The following FTO variants were observed in gnomAD, a reference collection of about 807,000 sequenced individuals.
The protein encoded by FTO is alpha-ketoglutarate-dependent dioxygenase FTO.
A neutral mutation model predicts 63.9 loss-of-function variants in FTO; 47 were observed. The observed-to-expected ratio is 0.74, with a 90% CI of 0.58 to 0.94. FTO has a LOEUF of 0.94. Ranked by LOEUF, FTO falls within the 40% of genes least tolerant of loss-of-function variation. The pLI is 0.00. For missense variants in FTO, 562 were observed against 618.1 expected (o/e 0.91, Z 0.96); for synonymous variants, 207 against 224.4 (o/e 0.92, Z 0.69).
intron 8 of FTO, among the ~76,000 whole-genome samples, chr16:54,095,067 CTTTTTTCT>C (rs1188484150): frequency 2.1e-4 from 32 of 152,118 alleles, no homozygotes; most frequent in Admixed American, 6.5e-5. Context: ...ATGCCTAACT[CTTTTTTCT>C]TTCTTTTTTG....
At chr16:53,734,738 T>G (rs1274886799) in intron 1 of FTO, among the ~76,000 whole-genome samples, 1 of 152,226 alleles carries the variant, frequency 6.6e-6, no homozygotes, top group East Asian at 1.9e-4. Flanking sequence ...CGTTGGCTTT[T>G]TCGTCTTTTG....
intron 7 of FTO, among the ~76,000 whole-genome samples, chr16:53,896,052 A>G (rs2081272142): frequency 6.6e-6 from 1 of 152,220 alleles, no homozygotes; most frequent in South Asian, 2.1e-4. Flanking sequence ...AAAGAAAAAA[A>G]AGATGAATTC....
intron 8 of FTO, among the ~76,000 whole-genome samples, chr16:54,058,861 T>C (rs1206232379): frequency 6.6e-6 from 1 of 152,208 alleles, no homozygotes; most frequent in Non-Finnish European, 1.5e-5. Context: ...GCTGCTACTG[T>C]GTCTATTTTT....
Position 53,805,482 on chromosome 16 carries a change from C to G in FTO, c.46-4658C>G, listed in dbSNP as rs1291700381. On this transcript the variant is annotated intron_variant, in intron 1 of 8. Coordinates refer to ENST00000471389, the MANE Select transcript of FTO (RefSeq NM_001080432.3). The stretch of plus-strand genomic sequence containing the variant: ...TTTTTTTGAGACAGAGAGTCTTATT[C>G]TGTCACACAGGCTGGAGTGCAGTGG... Among the ~76,000 whole-genome samples, 7 of 122,370 alleles carry G rather than the reference C, an allele frequency of 5.7e-5. No homozygotes were observed. The East Asian group carries it at 1.9e-3, about 33-fold the overall frequency. The allele number at this position is 122,370 out of a possible 152,430, so 80.3% of individuals were successfully genotyped here.
intron 8 of FTO, among the ~76,000 whole-genome samples, chr16:53,987,675 A>C (rs561037218): frequency 3.3e-5 from 5 of 152,054 alleles, no homozygotes; most frequent in Middle Eastern, 6.8e-3. Flanking sequence ...CCATCCTCCC[A>C]TCATAAACAC....
rs187854454 is a variant in FTO, at chr16:54,117,333, G to A, written c.*5418G>A. Reference sequence around the variant, plus strand: ...ATTATTATTAACCAAGTTTCCTGTGGTAACAGTTGTAGCTTTGTGACTGGG... The same window carrying A: ...ATTATTATTAACCAAGTTTCCTGTGATAACAGTTGTAGCTTTGTGACTGGG... On this transcript the variant is annotated 3_prime_UTR_variant, in exon 9 of 9. Transcript: ENST00000471389. 37 of 152,270 alleles carry A rather than the reference G, an allele frequency of 2.4e-4. No homozygotes were observed. The highest frequency in any genetic ancestry group is 8.9e-4 in the African/African-American group (37 of 41,540). The allele number at this position is 152,270 out of a possible 1,614,324, so 9.4% of individuals were successfully genotyped here. A position where few individuals can be genotyped will look rare whatever the true frequency, so the allele number is the denominator to read the frequency against.
intron 1 of FTO, among the ~76,000 whole-genome samples, chr16:53,724,873 T>G (rs1381465121): frequency 1.3e-5 from 2 of 152,198 alleles, no homozygotes; most frequent in Non-Finnish European, 2.9e-5. Flanking sequence ...TACCCTCTAT[T>G]TCCTGTAGTA....
intron 8 of FTO, among the ~76,000 whole-genome samples, chr16:53,980,023 T>A (rs1418876450): frequency 6.6e-6 from 1 of 152,216 alleles, no homozygotes; most frequent in Non-Finnish European, 1.5e-5. Context: ...AAAACACTCA[T>A]GGCTCTTCTT....
intron 8 of FTO, among the ~76,000 whole-genome samples, chr16:53,995,126 C>T (rs552247971): frequency 3.2e-4 from 48 of 152,348 alleles, no homozygotes; most frequent in African/African-American, 1.1e-3. Flanking sequence ...GCCCACACCC[C>T]AGACCATGGC....
intron 8 of FTO, among the ~76,000 whole-genome samples, chr16:53,987,668 T>A (rs1294614432): frequency 6.6e-6 from 1 of 151,290 alleles, no homozygotes; most frequent in African/African-American, 2.4e-5. Flanking sequence ...AATACACCCA[T>A]CCTCCCATCA....
intron 1 of FTO, among the ~76,000 whole-genome samples, chr16:53,776,227 A>G (rs1410664890): frequency 6.6e-6 from 1 of 152,152 alleles, no homozygotes; most frequent in Non-Finnish European, 1.5e-5. Context: ...CCATGTCCAT[A>G]CCACTGCATT....
chr16:53,809,996 AG>A, intron 1 of FTO, 143 bp from the exon 2 acceptor site: 1 of 586,290 alleles, frequency 1.7e-6, no homozygotes. Context: ...TTTATAATTG[AG>A]ATTTGACTAA....
intron 1 of FTO, among the ~76,000 whole-genome samples, chr16:53,720,157 A>G (rs899429426): frequency 6.6e-6 from 1 of 152,088 alleles, no homozygotes; most frequent in Non-Finnish European, 1.5e-5. Flanking sequence ...TCCAACTACC[A>G]GTGCACATCA....
chr16:53,940,841 A>G (rs1206167396), intron 8 of FTO, among the ~76,000 whole-genome samples: 1 of 152,200 alleles, frequency 6.6e-6, no homozygotes, highest in East Asian at 1.9e-4. Context: ...CTGGACTGGT[A>G]AAACAACGGT....
chr16:53,851,984 T>G (rs2079812364), intron 4 of FTO, among the ~76,000 whole-genome samples: 1 of 151,840 alleles, frequency 6.6e-6, no homozygotes, highest in African/African-American at 2.4e-5. Context: ...CTTTAATAAC[T>G]TTAAGCATTC....
chr16:53,975,656 T>C lies in FTO; in HGVS notation c.1364+41547T>C, dbSNP rs908515684. Among the ~76,000 whole-genome samples the C allele has an allele frequency of 2.2e-5, 3 of 138,896 alleles. No individual in the cohort carries two copies. In the South Asian group the frequency reaches 7.2e-4, roughly 33 times the overall value. 91.1% of individuals were successfully genotyped at this position (138,896 alleles called of 152,430 possible). ...TACGAATCTTACCCTCATCCTGTCA[T>C]TCTACAGTCCTCAAAAAAAAAAGAC... On this transcript the variant is annotated intron_variant, in intron 8 of 8. Coordinates refer to ENST00000471389, the MANE Select transcript of FTO (RefSeq NM_001080432.3).
chr16:53,835,432 A>G (rs1373264758), intron 3 of FTO, among the ~76,000 whole-genome samples: 2 of 152,184 alleles, frequency 1.3e-5, no homozygotes, highest in East Asian at 1.9e-4. Flanking sequence ...AATGTCTTCA[A>G]TCATCTTTAT....
At chr16:54,098,850 C>A (rs1442957026) in intron 8 of FTO, among the ~76,000 whole-genome samples, 1 of 152,118 alleles carries the variant, frequency 6.6e-6, no homozygotes, top group Admixed American at 6.5e-5. Flanking sequence ...TGGAATTGAA[C>A]CACATAGTCA....
intron 2 of FTO, chr16:53,814,634 T>G (rs1046196775): frequency 2.0e-5 from 3 of 152,386 alleles, no homozygotes; most frequent in Non-Finnish European, 2.9e-5. Context: ...TTGTGTCTCT[T>G]CATCCTTCTG....
Sources: gnomAD v4.1 joint callset for allele counts (sites outside exome capture counted in the v4.1 genomes callset) on GRCh38, gnomAD v4.1.1 for gene constraint, MANE v1.5 for transcripts, NCBI Gene and HGNC (gene_info 2026-07-23, HGNC 2026-07-21) for gene names.